The following COG5 variants were observed in gnomAD, a reference collection of about 807,000 sequenced individuals.
The protein encoded by COG5 is component of oligomeric golgi complex 5.
COG5 carries 86 observed loss-of-function variants against 110.4 expected under a neutral mutation model. The observed-to-expected ratio is 0.78, with a 90% CI of 0.65 to 0.93. The LOEUF is 0.93. COG5 is among the 40% of genes least tolerant of loss of function. The probability of loss-of-function intolerance (pLI) is 0.00; values close to 1 mark genes in which losing one functional copy is unlikely to be tolerated. For missense variants in COG5, 1,077 were observed against 987.0 expected, an observed-to-expected ratio of 1.09 and a Z score of -1.22; for synonymous variants, 360 against 334.6, an observed-to-expected ratio of 1.08 and a Z score of -0.83.
At chr7:107,469,961 C>T (rs1311716206) in intron 6 of COG5, 1 of 152,102 alleles carries the variant, frequency 6.6e-6, no homozygotes. Flanking sequence ...CCCTGCTATA[C>T]ATATGAAGCA....
chr7:107,539,941 A>T (rs1295115766), intron 5 of COG5, among the ~76,000 whole-genome samples: 1 of 152,224 alleles, frequency 6.6e-6, no homozygotes, highest in Non-Finnish European at 1.5e-5. Context: ...ATTGTCTCAG[A>T]TTACCACTGG....
At chr7:107,255,959 A>T (rs1042348151) in intron 16 of COG5, among the ~76,000 whole-genome samples, 2 of 152,106 alleles carry the variant, frequency 1.3e-5, no homozygotes, top group Non-Finnish European at 2.9e-5. Flanking sequence ...CTTGAGCAAG[A>T]TATTATTTCT....
rs1242199191 is a variant in COG5 at position 107,203,603 on chromosome 7, T to C, written c.2403A>G (p.Ser801=). ...ATTCTTTGCCTTCTCTACTTCTCACTGATTGAACATAAGCTTCCAGGGCTC... is the reference window on the plus strand; with the variant it reads ...ATTCTTTGCCTTCTCTACTTCTCACCGATTGAACATAAGCTTCCAGGGCTC... ...IRGALEAYVQ[S]VRSREGKEFA... Residue 801 remains serine, a synonymous_variant, in exon 22 of 22, where the codon TCA becomes TCG. Transcript: ENST00000297135. The C allele has an allele frequency of 1.2e-6, 2 of 1,613,840 alleles. No homozygotes were observed. Among genetic ancestry groups the C allele is most frequent in the Non-Finnish European group, 1.7e-6 (2 of 1,179,844 alleles).
intron 20 of COG5, 138 bp downstream of exon 20, chr7:107,210,961 T>C (rs1456474191): frequency 1.9e-6 from 2 of 1,055,914 alleles, no homozygotes; most frequent in African/African-American, 3.1e-5. Flanking sequence ...TTCTAATATC[T>C]ATTCACTGTC....
chr7:107,232,328 CACTT>C (rs1299240109), intron 18 of COG5, among the ~76,000 whole-genome samples: 1 of 152,170 alleles, frequency 6.6e-6, no homozygotes, highest in Non-Finnish European at 1.5e-5. Context: ...CCATATGTGT[CACTT>C]ACTTTACACT....
intron 16 of COG5, 43 bp downstream of exon 16, chr7:107,256,689 A>C: frequency 9.9e-5 from 138 of 1,397,496 alleles, no homozygotes; most frequent in Non-Finnish European, 1.3e-4. Flanking sequence ...AAATAATCCT[A>C]AAACCACTTT....
chr7:107,434,414 A>G (rs1279627885), intron 6 of COG5, among the ~76,000 whole-genome samples: 1 of 152,198 alleles, frequency 6.6e-6, no homozygotes, highest in African/African-American at 2.4e-5. Context: ...AGAGGTAAAA[A>G]GCAACCCAAA....
At chr7:107,562,704 C>T (rs952094459) in intron 1 of COG5, among the ~76,000 whole-genome samples, 2 of 152,156 alleles carry the variant, frequency 1.3e-5, no homozygotes, top group Non-Finnish European at 2.9e-5. Context: ...GTTCAGAAAA[C>T]ATCATTGCTT....
At chr7:107,261,050 C>T (rs563760649) in intron 14 of COG5, among the ~76,000 whole-genome samples, 32 of 152,070 alleles carry the variant, frequency 2.1e-4, no homozygotes, top group Admixed American at 1.5e-3. Flanking sequence ...CCTAAATCCA[C>T]GCATATTCAA....
intron 7 of COG5, among the ~76,000 whole-genome samples, chr7:107,376,429 A>C (rs1268255926): frequency 6.6e-6 from 1 of 151,824 alleles, no homozygotes; most frequent in Non-Finnish European, 1.5e-5. Context: ...ATCTCTTTTC[A>C]TTTACTCAGG....
intron 11 of COG5, among the ~76,000 whole-genome samples, chr7:107,300,370 T>C (rs1807156617): frequency 6.6e-6 from 1 of 152,076 alleles, no homozygotes; most frequent in African/African-American, 2.4e-5. Flanking sequence ...ACATTCAGAC[T>C]GGAAAGGCAC....
chr7:107,535,077 A>T (rs191212109), intron 5 of COG5, among the ~76,000 whole-genome samples: 23 of 151,712 alleles, frequency 1.5e-4, no homozygotes, highest in Middle Eastern at 3.4e-3. Flanking sequence ...CTACTGGGCA[A>T]ATAACAAAAT....
At chr7:107,371,784 T>C (rs76141446) in intron 8 of COG5, among the ~76,000 whole-genome samples, 2,785 of 152,196 alleles carry the variant, frequency 0.018, 36 homozygotes, top group Middle Eastern at 0.048. Flanking sequence ...GTCAACCTGG[T>C]AGAAAGAAGG....
intron 10 of COG5, among the ~76,000 whole-genome samples, chr7:107,332,616 G>A (rs1417184818): frequency 6.6e-6 from 1 of 152,158 alleles, no homozygotes; most frequent in Non-Finnish European, 1.5e-5. Context: ...CATGGTCTGA[G>A]AAGTGGGCAG....
At chr7:107,428,377 C>A (rs145706527) in intron 6 of COG5, among the ~76,000 whole-genome samples, 1 of 151,922 alleles carries the variant, frequency 6.6e-6, no homozygotes, top group Non-Finnish European at 1.5e-5. Flanking sequence ...ACATTTGGAC[C>A]CAGCTACAGA....
intron 6 of COG5, among the ~76,000 whole-genome samples, chr7:107,436,141 G>A (rs1486803256): frequency 6.6e-6 from 1 of 152,204 alleles, no homozygotes; most frequent in Admixed American, 6.5e-5. Context: ...AAGTTGGGAA[G>A]GATGGGGAGA....
chr7:107,327,869 C>A (rs549591667), intron 10 of COG5, among the ~76,000 whole-genome samples: 1 of 152,066 alleles, frequency 6.6e-6, no homozygotes, highest in African/African-American at 2.4e-5. Context: ...AATAGTGTAG[C>A]CACTATGGAA....
chr7:107,469,458 G>A (rs1398143658), intron 6 of COG5, among the ~76,000 whole-genome samples: 1 of 151,960 alleles, frequency 6.6e-6, no homozygotes, highest in Non-Finnish European at 1.5e-5. Flanking sequence ...TATCACCTTA[G>A]GTCAATCTGA....
intron 5 of COG5, among the ~76,000 whole-genome samples, chr7:107,532,061 T>C (rs995137773): frequency 6.6e-6 from 1 of 152,164 alleles, no homozygotes; most frequent in Admixed American, 6.5e-5. Context: ...ACAGCATTAC[T>C]TTTTTTCTTT....
Sources: allele counts gnomAD v4.1 joint callset (sites outside exome capture counted in the v4.1 genomes callset), GRCh38; gene constraint gnomAD v4.1.1; transcripts MANE v1.5; gene names NCBI Gene and HGNC (gene_info 2026-07-23, HGNC 2026-07-21).